TMEM132E: variants seen among roughly 807,000 people sequenced by gnomAD.
TMEM132E encodes the protein transmembrane protein 132E.
In TMEM132E, 49 loss-of-function variants were observed where a neutral mutation model predicts 78.5. That is an observed-to-expected ratio of 0.62 (90% CI 0.50 to 0.79). The LOEUF (loss-of-function observed/expected upper bound fraction) is 0.79, where lower values mean the gene tolerates loss of function less well. TMEM132E is among the 30% of genes least tolerant of loss of function. The probability of loss-of-function intolerance (pLI) is 0.00; values close to 1 mark genes in which losing one functional copy is unlikely to be tolerated. For missense variants in TMEM132E, 1,403 were observed against 1,470.9 expected, an observed-to-expected ratio of 0.95 and a Z score of 0.75; for synonymous variants, 715 against 670.6, an observed-to-expected ratio of 1.07 and a Z score of -1.02.
rs1308840362 is a variant in TMEM132E, at chr17:34,630,134, A to G, written c.1465A>G (p.Asn489Asp). Residue 489 changes from asparagine (N) to aspartate (D), a missense_variant, in exon 5 of 9, where the codon AAT becomes GAT. This residue lies in a region of TMEM132E where 888 missense variants were observed against 952.8 expected (regional missense o/e 0.93). Coordinates refer to ENST00000631683, the MANE Select transcript of TMEM132E (RefSeq NM_001304438.2). ...ISALVECESDNEDIIKVSSSC... is the reference protein window; with the variant it reads ...ISALVECESDDEDIIKVSSSC... ...CGCCCTAGTGGAATGCGAGTCTGAC[A>G]ATGAAGACATCATCAAGGTGGGCAT... 2 of 1,612,298 alleles carry G rather than the reference A, an allele frequency of 1.2e-6. No homozygotes were observed. Among genetic ancestry groups the G allele is most frequent in the Non-Finnish European group, 1.7e-6 (2 of 1,178,586 alleles).
At chr17:34,613,238 C>T (rs1349964019) in intron 1 of TMEM132E, among the ~76,000 whole-genome samples, 1 of 144,586 alleles carries the variant, frequency 6.9e-6, no homozygotes, top group African/African-American at 2.5e-5. Context: ...TTCTTACATT[C>T]TTTTTCCGTT....
intron 1 of TMEM132E, among the ~76,000 whole-genome samples, chr17:34,601,332 C>T (rs1325298659): frequency 6.6e-6 from 1 of 152,204 alleles, no homozygotes; most frequent in East Asian, 1.9e-4. Flanking sequence ...CCTCCCTCTC[C>T]CTGGGGCAGC....
chr17:34,602,586 G>A (rs1303136213), intron 1 of TMEM132E, among the ~76,000 whole-genome samples: 1 of 152,204 alleles, frequency 6.6e-6, no homozygotes, highest in Non-Finnish European at 1.5e-5. Flanking sequence ...TGTCACACTG[G>A]AGACTGGCAA....
At position 34,628,997 on chromosome 17, in the gene TMEM132E, C is replaced by T. The variant is rs755708216; in HGVS notation, c.1146-15C>T. On this transcript the variant is annotated splice_polypyrimidine_tract_variant and intron_variant, in intron 3 of 8. Coordinates refer to ENST00000631683, the MANE Select transcript of TMEM132E (RefSeq NM_001304438.2). ...CCTTCATCCTCTGCTCTCCTTCCCT[C>T]CCCTACCCTGGCAGGGAGGGCCAGG... The T allele has an allele frequency of 6.5e-6, 10 of 1,547,562 alleles. No homozygotes were observed. Among genetic ancestry groups the T allele is most frequent in the Admixed American group, 3.7e-5 (2 of 53,972 alleles).
intron 1 of TMEM132E, among the ~76,000 whole-genome samples, chr17:34,617,509 G>GAATT (rs1906822695): frequency 6.6e-6 from 1 of 152,228 alleles, no homozygotes; most frequent in Admixed American, 6.5e-5. Flanking sequence ...TTGAATGAAT[G>GAATT]AATGAATGAA....
chr17:34,583,423 G>C (rs1327767630), intron 1 of TMEM132E, among the ~76,000 whole-genome samples: 1 of 152,222 alleles, frequency 6.6e-6, no homozygotes, highest in Non-Finnish European at 1.5e-5. Flanking sequence ...AGATGGGTAA[G>C]GCCAGTATGA....
intron 1 of TMEM132E, among the ~76,000 whole-genome samples, chr17:34,582,482 G>A (rs1242805286): frequency 6.7e-6 from 1 of 149,102 alleles, no homozygotes; most frequent in Non-Finnish European, 1.5e-5. Context: ...CCCTCTATGG[G>A]TGGCTTGGTT....
intron 1 of TMEM132E, among the ~76,000 whole-genome samples, chr17:34,591,798 G>C (rs1326305492): frequency 6.6e-6 from 1 of 152,196 alleles, no homozygotes; most frequent in African/African-American, 2.4e-5. Context: ...GGTTGAAATG[G>C]TGTGGGCTGC....
In TMEM132E at chr17:34,626,489, G is replaced by T; in HGVS notation, c.430G>T (p.Val144Leu). The T allele has an allele frequency of 6.2e-7, 1 of 1,612,166 alleles. No homozygotes were observed. Among genetic ancestry groups the T allele is most frequent in the Non-Finnish European group, 8.5e-7 (1 of 1,179,768 alleles). Reference sequence around the variant, plus strand: ...GCCCGCCTCGCAGCCCGTGGTCCAGGTGCTGTTCTACGTAGCCGGCCGGGA... The same window carrying T: ...GCCCGCCTCGCAGCCCGTGGTCCAGTTGCTGTTCTACGTAGCCGGCCGGGA... ...HVPASQPVVQ[V>L]LFYVAGRDWD... The change falls in exon 2 of 9, where the codon GTG becomes TTG. Residue 144 changes from valine to leucine, a missense_variant. Transcript: ENST00000631683.
chr17:34,598,189 T>C (rs1906118501), intron 1 of TMEM132E, among the ~76,000 whole-genome samples: 1 of 152,052 alleles, frequency 6.6e-6, no homozygotes, highest in Admixed American at 6.5e-5. Flanking sequence ...TGTCACCCCA[T>C]GGAAGGCCTT....
chr17:34,636,214 GC>G lies in TMEM132E; in HGVS notation c.2169+19del, dbSNP rs1907518150. ...CCTCAAGCAGGTAACTGGCTCCTTG[GC>G]CCACCAGCCAGGGAGTTGGTGGTAT... On this transcript the variant is annotated intron_variant, in intron 8 of 8. Coordinates refer to ENST00000631683, the MANE Select transcript of TMEM132E (RefSeq NM_001304438.2). The G allele has an allele frequency of 6.9e-7, 1 of 1,447,064 alleles. No individual in the cohort carries two copies. The highest frequency in any genetic ancestry group is 9.1e-7 in the Non-Finnish European group (1 of 1,094,200). 89.6% of individuals were successfully genotyped at this position (1,447,064 alleles called of 1,614,324 possible).
chr17:34,613,476 C>T (rs577388780), intron 1 of TMEM132E, among the ~76,000 whole-genome samples: 400 of 151,328 alleles, frequency 2.6e-3, no homozygotes, highest in African/African-American at 9.2e-3. Flanking sequence ...TCGGTTGGCC[C>T]TGGCTCTACC....
chr17:34,612,891 G>A, intron 1 of TMEM132E, among the ~76,000 whole-genome samples: 1 of 152,072 alleles, frequency 6.6e-6, no homozygotes, highest in South Asian at 2.1e-4. Flanking sequence ...TGGGAAAGAT[G>A]CAGTTTTCCC....
intron 1 of TMEM132E, among the ~76,000 whole-genome samples, chr17:34,590,079 G>A (rs988723427): frequency 3.3e-5 from 5 of 152,180 alleles, no homozygotes; most frequent in African/African-American, 1.2e-4. Context: ...GCAGAGGGCT[G>A]GGCTCCATCC....
Position 34,626,854 on chromosome 17 carries a change from G to C in TMEM132E, c.795G>C (p.Gln265His). ...GGGCCCGAGCGGAAAGCCCTACCCA[G>C]CACCCCCTGCTGCGCATCGGGAGCA... ...GVGARAESPT[Q>H]HPLLRIGSIS... Residue 265 changes from glutamine (Q) to histidine (H), a missense_variant, in exon 2 of 9, where the codon CAG (glutamine) becomes CAC (histidine). Gln to His is a conservative substitution (Grantham distance 24, BLOSUM62 0). This residue lies in a region of TMEM132E where 511 missense variants were observed against 499.0 expected (regional missense o/e 1.02). Coordinates refer to ENST00000631683, the MANE Select transcript of TMEM132E (RefSeq NM_001304438.2). 1.2e-6 allele frequency: 2 copies of C among 1,601,180 alleles called. No individual in the cohort carries two copies. The highest frequency in any genetic ancestry group is 2.7e-5 in the African/African-American group (2 of 74,770).
chr17:34,596,086 A>G (rs552161131), intron 1 of TMEM132E, among the ~76,000 whole-genome samples: 13 of 150,690 alleles, frequency 8.6e-5, no homozygotes, highest in African/African-American at 2.9e-4. Context: ...TGCATTCCCC[A>G]GGCAACCAGT....
chr17:34,623,169 G>C lies in TMEM132E; in HGVS notation c.68-2958G>C, dbSNP rs145155342. 5.3e-3 allele frequency among the ~76,000 whole-genome samples: 809 copies of C among 152,258 alleles called. 11 individuals carry two copies. The highest frequency in any genetic ancestry group is 0.019 in the African/African-American group (787 of 41,546). ...TTTGCCAGACCAGGTCCTCCCCCAG[G>C]GGGGGTGAGGGGATCCGGGTGGGGC... is the stretch of plus-strand genomic sequence containing the variant. On this transcript the variant is annotated intron_variant, in intron 1 of 8. Coordinates refer to ENST00000631683, the MANE Select transcript of TMEM132E (RefSeq NM_001304438.2).
At chr17:34,594,698 T>C (rs1482633521) in intron 1 of TMEM132E, among the ~76,000 whole-genome samples, 1 of 152,214 alleles carries the variant, frequency 6.6e-6, no homozygotes, top group Non-Finnish European at 1.5e-5. Context: ...CAAGTGATCC[T>C]CCTGCCTCAG....
intron 1 of TMEM132E, among the ~76,000 whole-genome samples, chr17:34,622,388 A>C (rs2142075854): frequency 6.6e-6 from 1 of 152,340 alleles, no homozygotes; most frequent in South Asian, 2.1e-4. Flanking sequence ...AGCAGGATGG[A>C]ATGGTTCATG....
Sources: allele counts gnomAD v4.1 joint callset (sites outside exome capture counted in the v4.1 genomes callset), GRCh38; gene constraint gnomAD v4.1.1; regional missense constraint gnomAD v4.1.1; transcripts MANE v1.5; gene names NCBI Gene and HGNC (gene_info 2026-07-23, HGNC 2026-07-21).